Variants in SMPD3 observed in about 807,000 individuals in gnomAD.
SMPD3 encodes the protein sphingomyelin phosphodiesterase 3.
In SMPD3, 21 loss-of-function variants were observed where a neutral mutation model predicts 55.7. The observed-to-expected ratio is 0.38, with a 90% CI of 0.27 to 0.54. The LOEUF (loss-of-function observed/expected upper bound fraction) is 0.54. SMPD3 is among the 20% of genes least tolerant of loss of function. The probability of loss-of-function intolerance (pLI) is 0.80; values close to 1 mark genes in which losing one functional copy is unlikely to be tolerated. For missense variants in SMPD3, 842 were observed against 899.6 expected (o/e 0.94, Z 0.82); for synonymous variants, 457 against 404.3 (o/e 1.13, Z -1.56).
intron 1 of SMPD3, among the ~76,000 whole-genome samples, chr16:68,395,333 G>A (rs1157937431): frequency 6.6e-6 from 1 of 152,208 alleles, no homozygotes; most frequent in Non-Finnish European, 1.5e-5. Flanking sequence ...CTCCAGAGTG[G>A]CCTCATTTCA....
chr16:68,383,102 G>T (rs1368164581), intron 2 of SMPD3, among the ~76,000 whole-genome samples: 2 of 152,200 alleles, frequency 1.3e-5, no homozygotes, highest in African/African-American at 4.8e-5. Flanking sequence ...GCCTCCCAAA[G>T]TGCTGGGATT....
At chr16:68,374,654 A>G (rs2089763331) in intron 2 of SMPD3, among the ~76,000 whole-genome samples, 2 of 152,176 alleles carry the variant, frequency 1.3e-5, no homozygotes, top group Admixed American at 1.3e-4. Context: ...AAATCCCAGC[A>G]ATTGCTGCAA....
intron 1 of SMPD3, among the ~76,000 whole-genome samples, chr16:68,444,928 T>C (rs2090598782): frequency 6.6e-6 from 1 of 152,248 alleles, no homozygotes; most frequent in Non-Finnish European, 1.5e-5. Flanking sequence ...GATGCCAAAG[T>C]AAGAACAATA....
intron 1 of SMPD3, among the ~76,000 whole-genome samples, chr16:68,388,284 G>A (rs1437456782): frequency 6.6e-6 from 1 of 151,976 alleles, no homozygotes; most frequent in East Asian, 1.9e-4. Context: ...AGCCTGGGGA[G>A]TCCAGCCTGC....
intron 3 of SMPD3, among the ~76,000 whole-genome samples, chr16:68,365,310 G>T (rs538372856): frequency 6.6e-6 from 1 of 152,146 alleles, no homozygotes; most frequent in African/African-American, 2.4e-5. Flanking sequence ...GGCCTGTGGC[G>T]TGGGGAGTGC....
At chr16:68,389,203 G>A (rs147801433) in intron 1 of SMPD3, among the ~76,000 whole-genome samples, 27 of 152,326 alleles carry the variant, frequency 1.8e-4, no homozygotes, top group Non-Finnish European at 2.8e-4. Flanking sequence ...AGGGCCTGGG[G>A]GGCGGGTGTG....
rs746674643 is a variant in SMPD3 at position 68,364,920 on chromosome 16, G to T, written c.1400-14C>A. 155 of 1,613,136 alleles carry T rather than the reference G, an allele frequency of 9.6e-5. No individual in the cohort carries two copies. Among genetic ancestry groups the T allele is most frequent in the South Asian group, 3.5e-4 (32 of 91,038 alleles). The stretch of plus-strand genomic sequence containing the variant: ...TGGCGCTGTCCTCTGCAGGGCAGAA[G>T]TACAGAGACTGGATGATGAAGTTCG... On this transcript the variant is annotated splice_polypyrimidine_tract_variant and intron_variant, in intron 4 of 8. Transcript: ENST00000219334.
intron 1 of SMPD3, among the ~76,000 whole-genome samples, chr16:68,432,866 G>A (rs1306880188): frequency 6.6e-6 from 1 of 152,002 alleles, no homozygotes; most frequent in East Asian, 1.9e-4. Context: ...GTGCAGTGGT[G>A]CGATTATGGC....
At chr16:68,381,142 G>A (rs945921165) in intron 2 of SMPD3, among the ~76,000 whole-genome samples, 3 of 152,226 alleles carry the variant, frequency 2.0e-5, no homozygotes, top group Non-Finnish European at 4.4e-5. Context: ...CCTCCCAGGC[G>A]GCTGGGCTTT....
chr16:68,391,740 T>C (rs1340907919), intron 1 of SMPD3, among the ~76,000 whole-genome samples: 1 of 151,832 alleles, frequency 6.6e-6, no homozygotes, highest in Non-Finnish European at 1.5e-5. Context: ...TCTAAGAGGG[T>C]AGAATGGTGT....
rs1216434857 is a variant in SMPD3 at position 68,359,204 on chromosome 16, T to TAGGGGTCC, written c.*1994_*2001dup. 5.3e-5 allele frequency: 8 copies of TAGGGGTCC among 152,330 alleles called. No homozygotes were observed. Among genetic ancestry groups the TAGGGGTCC allele is most frequent in the African/African-American group, 1.7e-4 (7 of 41,436 alleles). 9.4% of individuals were successfully genotyped at this position (152,330 alleles called of 1,614,324 possible). A position where few individuals can be genotyped will look rare whatever the true frequency, so the allele number is the denominator to read the frequency against. ...GGCAGTCGGCAGGCGGCTCGGGGTC[T>TAGGGGTCC]AGGGGTCCAGGGCCGGCCGGCCCAG... On this transcript the variant is annotated 3_prime_UTR_variant, in exon 9 of 9. Coordinates refer to ENST00000219334, the MANE Select transcript of SMPD3 (RefSeq NM_018667.4).
chr16:68,372,759 C>T (rs549156870), intron 2 of SMPD3, among the ~76,000 whole-genome samples: 69 of 152,270 alleles, frequency 4.5e-4, no homozygotes, highest in African/African-American at 1.3e-3. Context: ...CCGGGGGCCG[C>T]CGGAAGCCCA....
chr16:68,388,151 G>C (rs1035409236), intron 1 of SMPD3, among the ~76,000 whole-genome samples: 26 of 152,210 alleles, frequency 1.7e-4, no homozygotes, highest in Non-Finnish European at 2.6e-4. Flanking sequence ...AAGGAAGCCA[G>C]AGCCCCCCAG....
At chr16:68,426,312 T>C (rs1125848) in intron 1 of SMPD3, among the ~76,000 whole-genome samples, 114,363 of 152,098 alleles carry the variant, frequency 0.75, 43,483 homozygotes, top group East Asian at 0.88. Context: ...TATTTGATCT[T>C]TGACAACCCC....
At chr16:68,438,910 C>T (rs1290360145) in intron 1 of SMPD3, among the ~76,000 whole-genome samples, 2 of 152,180 alleles carry the variant, frequency 1.3e-5, no homozygotes, top group Non-Finnish European at 2.9e-5. Flanking sequence ...TCCTGGTCCT[C>T]TTACTGTCTG....
chr16:68,363,590 C>G, intron 6 of SMPD3, 31 bp from the exon 7 acceptor site: 1 of 1,605,702 alleles, frequency 6.2e-7, no homozygotes, highest in Non-Finnish European at 8.5e-7. Flanking sequence ...ACAGTGGTCG[C>G]TGCAGGCAGG....
At position 68,372,085 on chromosome 16, in the gene SMPD3, G is replaced by A. The variant is rs754817412; in HGVS notation, c.97C>T (p.Arg33Trp). The A allele has an allele frequency of 6.2e-7, 1 of 1,610,410 alleles. No individual in the cohort carries two copies. The highest frequency in any genetic ancestry group is 2.2e-5 in the East Asian group (1 of 44,678). Residue 33 changes from arginine (R) to tryptophan (W), a missense_variant, in exon 3 of 9, where the codon CGG becomes TGG. By Grantham distance (101) the Arg-to-Trp change is moderately radical. Coordinates refer to ENST00000219334, the MANE Select transcript of SMPD3 (RefSeq NM_018667.4). ...GTGGGTATGAAGGAGGCAGCGAGCCGGTCCACCAGCCAGTAGCATGGAAAG... is the reference window on the plus strand; with the variant it reads ...GTGGGTATGAAGGAGGCAGCGAGCCAGTCCACCAGCCAGTAGCATGGAAAG... The part of the protein sequence containing the change: ...LIFPCYWLVD[R>W]LAASFIPTTY...
chr16:68,401,971 G>A (rs1159205591), intron 1 of SMPD3, among the ~76,000 whole-genome samples: 1 of 152,042 alleles, frequency 6.6e-6, no homozygotes, highest in Non-Finnish European at 1.5e-5. Context: ...ACTCACAGAG[G>A]CGGTAGCCAC....
rs572143952 is a variant in SMPD3 at position 68,441,962 on chromosome 16, C to T, written c.-269+6391G>A. Among the ~76,000 whole-genome samples the T allele has an allele frequency of 3.3e-5, 5 of 152,180 alleles. No individual in the cohort carries two copies. In the South Asian group the frequency reaches 1.0e-3, roughly 32 times the overall value. On this transcript the variant is annotated intron_variant, in intron 1 of 8. Coordinates refer to ENST00000219334, the MANE Select transcript of SMPD3 (RefSeq NM_018667.4). ...TTTATTTTTTATAGAGACGGGGTCT[C>T]ACTATGTTACCCAGGCTAGTCTTGA...
Sources: gnomAD v4.1 joint callset for allele counts (sites outside exome capture counted in the v4.1 genomes callset) on GRCh38, gnomAD v4.1.1 for gene constraint, MANE v1.5 for transcripts, NCBI Gene and HGNC (gene_info 2026-07-23, HGNC 2026-07-21) for gene names.